The following MYOM1 variants were observed in gnomAD, a reference collection of about 807,000 sequenced individuals.
The protein encoded by MYOM1 is myomesin-1.
In MYOM1, 164 loss-of-function variants were observed where a neutral mutation model predicts 205.3. That is an observed-to-expected ratio of 0.80 (90% CI 0.70 to 0.91). The LOEUF (loss-of-function observed/expected upper bound fraction) is 0.91. MYOM1 is among the 40% of genes least tolerant of loss of function. The probability of loss-of-function intolerance (pLI) is 0.00; values close to 1 mark genes in which losing one functional copy is unlikely to be tolerated. For missense variants in MYOM1, 2,011 were observed against 2,127.3 expected (o/e 0.95, Z 1.08); for synonymous variants, 772 against 789.4 (o/e 0.98, Z 0.37).
At chr18:3,086,718 T>G (rs1040358770) in intron 29 of MYOM1, among the ~76,000 whole-genome samples, 10 of 152,184 alleles carry the variant, frequency 6.6e-5, no homozygotes, top group African/African-American at 2.4e-4. Flanking sequence ...TCAAATGGAC[T>G]AAACAACTGC....
intron 22 of MYOM1, among the ~76,000 whole-genome samples, chr18:3,103,319 A>G (rs1326198803): frequency 6.6e-6 from 1 of 152,248 alleles, no homozygotes; most frequent in African/African-American, 2.4e-5. Flanking sequence ...GGAAATTTAA[A>G]TGGAAATGAG....
chr18:3,189,000 A>G lies in MYOM1; in HGVS notation c.519T>C (p.Ala173=). 1.9e-6 allele frequency: 3 copies of G among 1,613,550 alleles called. No homozygotes were observed. The highest frequency in any genetic ancestry group is 2.5e-6 in the Non-Finnish European group (3 of 1,179,802). Residue 173 remains alanine, a synonymous_variant, in exon 4 of 38, where the codon GCT becomes GCC. Transcript: ENST00000356443. ...AAYIAQRNLL[A]SEEGITTSKQ... ...TAGATGTTGTGATTCCTTCCTCACT[A>G]GCAAGAAGATTCCTCTGGGCTATAT...
At chr18:3,125,288 A>G (rs1284869512) in intron 19 of MYOM1, among the ~76,000 whole-genome samples, 1 of 152,224 alleles carries the variant, frequency 6.6e-6, no homozygotes, top group Non-Finnish European at 1.5e-5. Flanking sequence ...TGTATACAAA[A>G]TTGTTCATAG....
At position 3,176,059 on chromosome 18, in the gene MYOM1, G is replaced by A. The variant is rs780793000; in HGVS notation, c.1005C>T (p.His335=). 2.5e-6 allele frequency: 4 copies of A among 1,596,762 alleles called. No individual in the cohort carries two copies. The highest frequency in any genetic ancestry group is 1.3e-5 in the African/African-American group (1 of 74,530). ...TCTCTTACCCATTAATCTCCAGAGT[G>A]TGCATCCCATATCGACTCTCAATAA... ...KYIIESRYGM[H]TLEINGCDFE... is the part of the protein sequence containing the mutation. Residue 335 remains histidine, a synonymous_variant, in exon 6 of 38, where the codon CAC becomes CAT. Transcript: ENST00000356443.
At chr18:3,245,485 A>C in the MYOM1 span, among the ~76,000 whole-genome samples, 1 of 152,264 alleles carries the variant, frequency 6.6e-6, no homozygotes, top group Non-Finnish European at 1.5e-5. Flanking sequence ...GAAATATCAG[A>C]GTCAGAGGCC....
chr18:3,236,256 A>G, the MYOM1 span, among the ~76,000 whole-genome samples: 1 of 152,242 alleles, frequency 6.6e-6, no homozygotes, highest in Admixed American at 6.5e-5. Flanking sequence ...TGGAGAACAG[A>G]CTATAGGAAG....
chr18:3,208,035 G>A (rs1019709038), intron 2 of MYOM1, among the ~76,000 whole-genome samples: 2 of 152,176 alleles, frequency 1.3e-5, no homozygotes, highest in Admixed American at 6.5e-5. Context: ...GTCCTTTCTT[G>A]CTTTAACATT....
Position 3,193,893 on chromosome 18 carries a change from G to A in MYOM1, c.356C>T (p.Ala119Val). Residue 119 changes from alanine (A) to valine (V), a missense_variant, in exon 3 of 38, where the codon GCC becomes GTC. By Grantham distance (64) the Ala-to-Val change is moderately conservative. Coordinates refer to ENST00000356443, the MANE Select transcript of MYOM1 (RefSeq NM_003803.4). ...SSKLSPKPKR[A>V]KHSLLSGEEK... is the part of the protein sequence containing the mutation. Reference sequence around the variant, plus strand: ...TTCTCCAGACAGTAGGCTGTGCTTGGCTCTCTTTGGTTTGGGGCTCAACTT... The same window carrying A: ...TTCTCCAGACAGTAGGCTGTGCTTGACTCTCTTTGGTTTGGGGCTCAACTT... 6.2e-7 allele frequency: 1 copy of A among 1,613,826 alleles called. No homozygotes were observed. The highest frequency in any genetic ancestry group is 8.5e-7 in the Non-Finnish European group (1 of 1,179,794).
chr18:3,150,185 G>A (rs962453289), intron 12 of MYOM1, among the ~76,000 whole-genome samples: 9 of 152,186 alleles, frequency 5.9e-5, no homozygotes, highest in South Asian at 2.1e-4. Context: ...TCAGCCTCCC[G>A]AGTAGCTGGG....
At position 3,209,791 on chromosome 18, in the gene MYOM1, C is replaced by T. The variant is rs181809246; in HGVS notation, c.290+5143G>A. 1.1e-3 allele frequency among the ~76,000 whole-genome samples: 173 copies of T among 152,350 alleles called. 1 individual carries two copies. Among genetic ancestry groups the T allele is most frequent in the Middle Eastern group, 3.4e-3 (1 of 294 alleles). ...GCCCTCTTGAAAATTCTAACCTGCA[C>T]TCTTGGCCCATGTCCCTGATCTCTC... is the stretch of plus-strand genomic sequence containing the variant. On this transcript the variant is annotated intron_variant, in intron 2 of 37. Transcript: ENST00000356443. This position sits in a 1 kb window ranked among gnomAD's most constrained non-coding sequence, Gnocchi z 4.0.
rs528445625 is a variant in MYOM1 at position 3,084,392 on chromosome 18, C to T, written c.4340-365G>A. ...GAGGACATTTTCTTAGCCGTGTCAT[C>T]GATTCATAATGAATTAACCATGTAG... On this transcript the variant is annotated intron_variant, in intron 31 of 37. Coordinates refer to ENST00000356443, the MANE Select transcript of MYOM1 (RefSeq NM_003803.4). 2.6e-3 allele frequency among the ~76,000 whole-genome samples: 396 copies of T among 150,762 alleles called. 1 individual carries two copies. Among genetic ancestry groups the T allele is most frequent in the African/African-American group, 8.3e-3 (331 of 40,088 alleles).
At chr18:3,167,544 C>T (rs565260317) in intron 9 of MYOM1, among the ~76,000 whole-genome samples, 10 of 152,158 alleles carry the variant, frequency 6.6e-5, no homozygotes, top group Admixed American at 2.6e-4. Context: ...CCACCACGCC[C>T]GGCTAATTTT....
rs571936864 is a variant in MYOM1, at chr18:3,167,238, C to T, written c.1339+1579G>A. 1.4e-3 allele frequency among the ~76,000 whole-genome samples: 214 copies of T among 152,186 alleles called. 2 individuals are homozygous for T. The highest frequency in any genetic ancestry group is 4.8e-3 in the African/African-American group (201 of 41,518). On this transcript the variant is annotated intron_variant, in intron 9 of 37. Coordinates refer to ENST00000356443, the MANE Select transcript of MYOM1 (RefSeq NM_003803.4). Reference sequence around the variant, plus strand: ...AACACCAGCAGGTCTGGAGGTCTCCCGTGGCAAGGATTTGACTGTGTGATT... The same window carrying T: ...AACACCAGCAGGTCTGGAGGTCTCCTGTGGCAAGGATTTGACTGTGTGATT...
chr18:3,216,790 T>C (rs1567973808), intron 1 of MYOM1, among the ~76,000 whole-genome samples: 1 of 152,148 alleles, frequency 6.6e-6, no homozygotes, highest in East Asian at 1.9e-4. Context: ...TGTCTGAAGA[T>C]GGACTGTGGA....
chr18:3,239,919 ATATT>A, the MYOM1 span, among the ~76,000 whole-genome samples: 1 of 152,248 alleles, frequency 6.6e-6, no homozygotes, highest in Non-Finnish European at 1.5e-5. Context: ...AAGAATTCAT[ATATT>A]TATTAGTCAG....
intron 2 of MYOM1, among the ~76,000 whole-genome samples, chr18:3,207,572 C>A (rs1221567799): frequency 6.6e-6 from 1 of 152,198 alleles, no homozygotes; most frequent in Non-Finnish European, 1.5e-5. Context: ...CTCTTGCTTT[C>A]TTGTTTCATC....
intron 20 of MYOM1, among the ~76,000 whole-genome samples, chr18:3,118,362 AAGAC>A (rs1315920318): frequency 6.6e-6 from 1 of 151,894 alleles, no homozygotes; most frequent in Non-Finnish European, 1.5e-5. Flanking sequence ...CTTTTTTTTA[AAGAC>A]AGACAGAGCC....
chr18:3,174,137 G>C lies in MYOM1; in HGVS notation c.1094C>G (p.Ala365Gly). Residue 365 changes from alanine to glycine, a missense_variant, in exon 7 of 38, where the codon GCT (alanine) becomes GGT (glycine). By Grantham distance (60) the Ala-to-Gly change is moderately conservative (BLOSUM62 0). Coordinates refer to ENST00000356443, the MANE Select transcript of MYOM1 (RefSeq NM_003803.4). Reference sequence around the variant, plus strand: ...AAACCTACTTTTTACCACAACTGAAGCATATGCCGAAAGCTCTCCTTTAAC... The same window carrying C: ...AAACCTACTTTTTACCACAACTGAACCATATGCCGAAAGCTCTCCTTTAAC... ...MNVKGELSAYASVVVKRYKGE... is the reference protein window; with the variant it reads ...MNVKGELSAYGSVVVKRYKGE... 1 of 1,613,992 alleles carries C rather than the reference G, an allele frequency of 6.2e-7. No individual in the cohort carries two copies. Among genetic ancestry groups the C allele is most frequent in the South Asian group, 1.1e-5 (1 of 91,078 alleles).
the MYOM1 span, among the ~76,000 whole-genome samples, chr18:3,243,919 G>GA: frequency 4.6e-5 from 7 of 151,748 alleles, no homozygotes; most frequent in African/African-American, 1.2e-4. Context: ...CTCACTTGGG[G>GA]AAAAAAAACA....
Sources: allele counts gnomAD v4.1 joint callset (sites outside exome capture counted in the v4.1 genomes callset), GRCh38; gene constraint gnomAD v4.1.1; non-coding constraint Gnocchi (gnomAD v3.1); transcripts MANE v1.5; gene names NCBI Gene and HGNC (gene_info 2026-07-23, HGNC 2026-07-21).